WASF3: variants seen among roughly 807,000 people sequenced by gnomAD.
WASF3 encodes the protein actin-binding protein WASF3.
In WASF3, 11 loss-of-function variants were observed where a neutral mutation model predicts 46.6. That is an observed-to-expected ratio of 0.24 (90% CI 0.15 to 0.39). The LOEUF (loss-of-function observed/expected upper bound fraction) is 0.39, where lower values mean the gene tolerates loss of function less well. Ranked by LOEUF, WASF3 falls within the 10% of genes least tolerant of loss-of-function variation. The pLI is 1.00. For missense variants in WASF3, 576 were observed against 669.8 expected (o/e 0.86, Z 1.55); for synonymous variants, 242 against 259.7 (o/e 0.93, Z 0.65).
the WASF3 span, among the ~76,000 whole-genome samples, chr13:26,545,628 C>T: frequency 2.6e-5 from 4 of 152,284 alleles, no homozygotes; most frequent in Non-Finnish European, 5.9e-5. Flanking sequence ...TTTTTAGAGA[C>T]ATGGCTTCAC....
At chr13:26,677,900 G>A (rs961506558) in intron 7 of WASF3, among the ~76,000 whole-genome samples, 5 of 152,120 alleles carry the variant, frequency 3.3e-5, no homozygotes, top group Non-Finnish European at 4.4e-5. Context: ...CGTGCAAAAC[G>A]TATACTTTGT....
intron 1 of WASF3, among the ~76,000 whole-genome samples, chr13:26,594,165 A>G (rs1487672785): frequency 2.0e-5 from 3 of 151,952 alleles, no homozygotes; most frequent in African/African-American, 7.3e-5. Context: ...TCTTAATACT[A>G]TTTTCTTCTC....
At chr13:26,550,541 A>G in the WASF3 span, among the ~76,000 whole-genome samples, 8 of 152,324 alleles carry the variant, frequency 5.3e-5, no homozygotes, top group South Asian at 1.7e-3. Context: ...ATATTTAGTT[A>G]CTTTCCTAAG....
chr13:26,582,502 C>T (rs955595353), intron 1 of WASF3, among the ~76,000 whole-genome samples: 1 of 151,758 alleles, frequency 6.6e-6, no homozygotes, highest in African/African-American at 2.4e-5. Flanking sequence ...ACAGTGAAAA[C>T]CCTGTCTCTA....
At position 26,571,574 on chromosome 13, in the gene WASF3, G is replaced by A. The variant is rs555976759; in HGVS notation, c.-109+13755G>A. Among the ~76,000 whole-genome samples the A allele has an allele frequency of 2.6e-4, 40 of 152,234 alleles. No homozygotes were observed. The South Asian group carries it at 2.7e-3, about 10-fold the overall frequency. On this transcript the variant is annotated intron_variant, in intron 1 of 9. Transcript: ENST00000335327. ...TATGTAGCTGGGTCTATTTTTGGGC[G>A]TTCCATTCCATTCTGTTGTTCTGTC...
chr13:26,643,422 G>A (rs1289884791), intron 3 of WASF3, among the ~76,000 whole-genome samples: 2 of 152,092 alleles, frequency 1.3e-5, no homozygotes, highest in East Asian at 1.9e-4. Flanking sequence ...GAGTTGTACT[G>A]TATTGTTACG....
chr13:26,644,154 A>G (rs904266941), intron 3 of WASF3, among the ~76,000 whole-genome samples: 2 of 152,236 alleles, frequency 1.3e-5, no homozygotes, highest in Non-Finnish European at 2.9e-5. Context: ...AAGAGGGGCC[A>G]TGAGCCAAGG....
chr13:26,592,760 T>G (rs541100013), intron 1 of WASF3, among the ~76,000 whole-genome samples: 7 of 152,312 alleles, frequency 4.6e-5, no homozygotes, highest in African/African-American at 1.7e-4. Context: ...CTCCCTCTAA[T>G]ATGAAGACAT....
chr13:26,656,006 C>T (rs933602733), intron 3 of WASF3, among the ~76,000 whole-genome samples: 2 of 152,038 alleles, frequency 1.3e-5, no homozygotes, highest in Admixed American at 6.5e-5. Flanking sequence ...TACAAAAAGC[C>T]AAAATCTTGT....
intron 4 of WASF3, 96 bp downstream of exon 4, chr13:26,665,258 A>G (rs1882737766): frequency 7.1e-7 from 1 of 1,413,300 alleles, no homozygotes; most frequent in East Asian, 2.3e-5. Context: ...TTGGGATGGC[A>G]TGCTGATATT....
chr13:26,604,966 C>A (rs1880749462), intron 1 of WASF3, among the ~76,000 whole-genome samples: 1 of 152,162 alleles, frequency 6.6e-6, no homozygotes, highest in Non-Finnish European at 1.5e-5. Context: ...GATCTTGTAT[C>A]TGTGTTCTCT....
chr13:26,566,723 A>G (rs144552237), intron 1 of WASF3, among the ~76,000 whole-genome samples: 2 of 152,296 alleles, frequency 1.3e-5, no homozygotes, highest in African/African-American at 4.8e-5. Flanking sequence ...ACCAGCACAC[A>G]TTGCTTCTCA....
At chr13:26,554,068 C>A (rs1392968115), upstream of WASF3, among the ~76,000 whole-genome samples, 3 of 87,588 alleles carry the variant, frequency 3.4e-5, no homozygotes, top group African/African-American at 1.5e-4. Context: ...TCCTTCCTTC[C>A]TTCCTTCCTT....
chr13:26,627,646 T>C (rs575340389), intron 2 of WASF3, among the ~76,000 whole-genome samples: 32 of 152,272 alleles, frequency 2.1e-4, no homozygotes, highest in African/African-American at 7.2e-4. Flanking sequence ...AAGAGAATCC[T>C]CGCAAATGGC....
At chr13:26,615,247 TCTC>T (rs1164196204) in intron 2 of WASF3, among the ~76,000 whole-genome samples, 1 of 152,210 alleles carries the variant, frequency 6.6e-6, no homozygotes, top group Non-Finnish European at 1.5e-5. Flanking sequence ...TGTTCAGTGA[TCTC>T]CTACTTTGTC....
chr13:26,632,832 T>C (rs1412009065), intron 2 of WASF3, among the ~76,000 whole-genome samples: 1 of 152,186 alleles, frequency 6.6e-6, no homozygotes, highest in East Asian at 1.9e-4. Flanking sequence ...GGCTATTAAT[T>C]ATTGCCTGAA....
chr13:26,671,114 T>C (rs1995284), intron 5 of WASF3, among the ~76,000 whole-genome samples: 23,282 of 152,196 alleles, frequency 0.15, 2,364 homozygotes, highest in South Asian at 0.26. Flanking sequence ...AAAACAGTGT[T>C]TACTTTGTAT....
intron 2 of WASF3, among the ~76,000 whole-genome samples, chr13:26,621,966 A>G (rs995356711): frequency 6.6e-6 from 1 of 152,208 alleles, no homozygotes; most frequent in Non-Finnish European, 1.5e-5. Context: ...GGCTTGGGCC[A>G]GCATTGTGTC....
At chr13:26,612,556 G>A (rs1040659403) in intron 1 of WASF3, among the ~76,000 whole-genome samples, 7 of 152,148 alleles carry the variant, frequency 4.6e-5, no homozygotes, top group African/African-American at 1.4e-4. Flanking sequence ...GGGAAAAATC[G>A]ATACAAATGC....
Sources: gnomAD v4.1 joint callset for allele counts (sites outside exome capture counted in the v4.1 genomes callset) on GRCh38, gnomAD v4.1.1 for gene constraint, MANE v1.5 for transcripts, NCBI Gene and HGNC (gene_info 2026-07-23, HGNC 2026-07-21) for gene names.